SCRG1: variants seen among roughly 807,000 people sequenced by gnomAD.
SCRG1 encodes scrapie-responsive protein 1.
SCRG1 carries 3 observed loss-of-function variants against 7.7 expected under a neutral mutation model. The ratio of observed to expected loss-of-function variants is 0.39; its 90% confidence interval spans 0.18 to 1.01. The LOEUF (loss-of-function observed/expected upper bound fraction) is 1.01. SCRG1 is among the 50% of genes least tolerant of loss of function. The pLI is 0.36. For missense variants in SCRG1, 110 were observed against 117.2 expected, an observed-to-expected ratio of 0.94 and a Z score of 0.28; for synonymous variants, 46 against 41.2, an observed-to-expected ratio of 1.12 and a Z score of -0.44.
chr4:173,430,616 T>C, the SCRG1 span, among the ~76,000 whole-genome samples: 2 of 151,856 alleles, frequency 1.3e-5, no homozygotes, highest in African/African-American at 4.8e-5. Flanking sequence ...TACTGAAACA[T>C]GTAGAGACAG....
the SCRG1 span, among the ~76,000 whole-genome samples, chr4:173,447,050 T>C: frequency 2.0e-5 from 3 of 152,280 alleles, no homozygotes; most frequent in Non-Finnish European, 4.4e-5. Context: ...TCATAGCTTC[T>C]GTCTTAGGCA....
chr4:173,395,863 G>A (rs2126918136), intron 1 of SCRG1, among the ~76,000 whole-genome samples: 1 of 152,292 alleles, frequency 6.6e-6, no homozygotes, highest in South Asian at 2.1e-4. Flanking sequence ...CTACAGCCAA[G>A]AAGGAAGATT....
At chr4:173,498,051 T>C in the SCRG1 span, among the ~76,000 whole-genome samples, 1 of 152,178 alleles carries the variant, frequency 6.6e-6, no homozygotes, top group Admixed American at 6.5e-5. Flanking sequence ...ATTTGGGAGT[T>C]TGTTGTGTGA....
the SCRG1 span, among the ~76,000 whole-genome samples, chr4:173,461,736 T>G: frequency 6.6e-6 from 1 of 152,000 alleles, no homozygotes; most frequent in African/African-American, 2.4e-5. Context: ...CAGGGACCGA[T>G]CCTGGAGAAA....
the SCRG1 span, among the ~76,000 whole-genome samples, chr4:173,504,535 C>T: frequency 1.3e-5 from 2 of 152,218 alleles, no homozygotes; most frequent in African/African-American, 2.4e-5. The surrounding 1 kb of genome is among the most constrained non-coding windows in gnomAD (Gnocchi z 4.7). Flanking sequence ...CTAGAAACCA[C>T]GTGGAGAAAT....
the SCRG1 span, among the ~76,000 whole-genome samples, chr4:173,447,291 T>C: frequency 6.6e-6 from 1 of 152,206 alleles, no homozygotes; most frequent in South Asian, 2.1e-4. Flanking sequence ...TAATCCCATT[T>C]ATGAGCGTTC....
At chr4:173,444,859 C>T in the SCRG1 span, among the ~76,000 whole-genome samples, 1 of 152,148 alleles carries the variant, frequency 6.6e-6, no homozygotes, top group African/African-American at 2.4e-5. Context: ...CCTACATGAC[C>T]TGGAGCCCAC....
At chr4:173,517,758 T>C in the SCRG1 span, among the ~76,000 whole-genome samples, 32,028 of 152,300 alleles carry the variant, frequency 0.21, 3,804 homozygotes, top group Middle Eastern at 0.41. Context: ...ACTGGAGGTC[T>C]TCTTTACTAA....
At chr4:173,392,478 C>T (rs1337824221) in intron 1 of SCRG1, among the ~76,000 whole-genome samples, 3 of 152,182 alleles carry the variant, frequency 2.0e-5, no homozygotes, top group African/African-American at 7.2e-5. Flanking sequence ...CTGTGGCTTC[C>T]ACCCACTAAT....
At chr4:173,467,208 G>T in the SCRG1 span, among the ~76,000 whole-genome samples, 1 of 146,018 alleles carries the variant, frequency 6.8e-6, no homozygotes, top group African/African-American at 2.5e-5. Context: ...TTCTTGTCTT[G>T]TTTGAATGTG....
the SCRG1 span, among the ~76,000 whole-genome samples, chr4:173,463,494 G>A: frequency 2.6e-5 from 4 of 151,994 alleles, no homozygotes; most frequent in Non-Finnish European, 4.4e-5. Flanking sequence ...GGCCGGTCTC[G>A]AACTCCTGAC....
At chr4:173,492,351 C>G in the SCRG1 span, among the ~76,000 whole-genome samples, 2 of 152,138 alleles carry the variant, frequency 1.3e-5, no homozygotes, top group African/African-American at 2.4e-5. Context: ...CCTTCAGCCT[C>G]CTGGTTGGGG....
At chr4:173,464,016 T>G in the SCRG1 span, among the ~76,000 whole-genome samples, 2 of 152,282 alleles carry the variant, frequency 1.3e-5, no homozygotes, top group East Asian at 3.9e-4. Flanking sequence ...TTCAAACTGT[T>G]AAAAGAGTCT....
the SCRG1 span, among the ~76,000 whole-genome samples, chr4:173,457,576 C>T: frequency 3.3e-5 from 5 of 152,174 alleles, no homozygotes; most frequent in African/African-American, 9.7e-5. Context: ...TGTCTGTCCC[C>T]GCAGATGTGG....
the SCRG1 span, among the ~76,000 whole-genome samples, chr4:173,455,874 G>C: frequency 2.8e-3 from 434 of 152,290 alleles, 2 homozygotes; most frequent in African/African-American, 9.9e-3. Flanking sequence ...GGAATAGGAT[G>C]CATGTGGAAA....
chr4:173,439,880 C>T, the SCRG1 span, among the ~76,000 whole-genome samples: 2 of 152,108 alleles, frequency 1.3e-5, no homozygotes, highest in Admixed American at 6.5e-5. Flanking sequence ...AACAAGGACA[C>T]GTCACACTGT....
the SCRG1 span, among the ~76,000 whole-genome samples, chr4:173,437,488 T>G: frequency 3.3e-5 from 5 of 152,228 alleles, no homozygotes; most frequent in Non-Finnish European, 5.9e-5. Context: ...GGTTTGTAAT[T>G]AATGTTTAGG....
the SCRG1 span, among the ~76,000 whole-genome samples, chr4:173,425,489 A>G: frequency 2.6e-5 from 4 of 151,916 alleles, no homozygotes; most frequent in Non-Finnish European, 5.9e-5. Context: ...AAAGATATCC[A>G]CTCTGTGTCT....
chr4:173,397,023 A>C (rs2126919060), intron 1 of SCRG1, among the ~76,000 whole-genome samples: 1 of 152,328 alleles, frequency 6.6e-6, no homozygotes, highest in East Asian at 1.9e-4. Context: ...ACTGCACTCC[A>C]GCCTGCGCGA....
Sources: allele counts gnomAD v4.1 joint callset (sites outside exome capture counted in the v4.1 genomes callset), GRCh38; gene constraint gnomAD v4.1.1; non-coding constraint Gnocchi (gnomAD v3.1); transcripts MANE v1.5; gene names NCBI Gene and HGNC (gene_info 2026-07-23, HGNC 2026-07-21).